RBM42: variants seen among roughly 807,000 people sequenced by gnomAD.
The protein encoded by RBM42 is RNA-binding protein 42.
RBM42 carries 21 observed loss-of-function variants against 41.4 expected under a neutral mutation model. The observed-to-expected ratio is 0.51, with a 90% CI of 0.36 to 0.73. The LOEUF is 0.73. RBM42 is among the 30% of genes least tolerant of loss of function. The pLI is 0.00. For missense variants in RBM42, 539 were observed against 680.4 expected (o/e 0.79, Z 2.31); for synonymous variants, 272 against 271.2 (o/e 1.00, Z -0.03).
chr19:35,629,778 C>A, intron 2 of RBM42, 105 bp downstream of exon 2: 1 of 1,215,728 alleles, frequency 8.2e-7, no homozygotes, highest in South Asian at 1.4e-5. Flanking sequence ...GACTAATTAG[C>A]ATGACAAATA....
In RBM42 at chr19:35,637,619, A is replaced by G; in HGVS notation, c.*65A>G. On this transcript the variant is annotated 3_prime_UTR_variant, in exon 10 of 10. Transcript: ENST00000262633. This position sits in a 1 kb window ranked among gnomAD's most constrained non-coding sequence, Gnocchi z 7.0. ...TGGCTCCTCCCTCAGTTCTCTTTGG[A>G]AAACCCCCAGCTGTCCACCCATCCC... The G allele has an allele frequency of 7.8e-7, 1 of 1,289,272 alleles. No homozygotes were observed. Among genetic ancestry groups the G allele is most frequent in the Non-Finnish European group, 1.1e-6 (1 of 907,930 alleles). 79.9% of individuals were successfully genotyped at this position (1,289,272 alleles called of 1,614,324 possible).
In RBM42 at chr19:35,637,340, C is replaced by T; in HGVS notation, c.1318C>T (p.Arg440Cys). ...KDPSDYVRAM[R>C]EMNGKYVGSR... ...CCCCAGCGACTACGTGCGCGCCATG[C>T]GTGAGATGAATGGTGGGTGCGGCCT... Residue 440 changes from arginine (R) to cysteine (C), a missense_variant, in exon 9 of 10, where the codon CGT (arginine) becomes TGT (cysteine). Around this residue, in one of 2 missense-constraint regions of RBM42, gnomAD observed 110 missense variants for 191.5 expected, o/e 0.57. Coordinates refer to ENST00000262633, the MANE Select transcript of RBM42 (RefSeq NM_024321.5). The surrounding 1 kb of genome is among the most constrained non-coding windows in gnomAD (Gnocchi z 7.0). The T allele has an allele frequency of 6.2e-7, 1 of 1,614,212 alleles. No homozygotes were observed. Among genetic ancestry groups the T allele is most frequent in the East Asian group, 2.2e-5 (1 of 44,874 alleles).
In RBM42 at chr19:35,633,195, A is replaced by G. The variant is rs775120262; in HGVS notation, c.627A>G (p.Pro209=). ...GPPGPPMMLP[P]MARAPGPPLG... is the part of the protein sequence containing the mutation. ...CTGGACCACCCATGATGCTGCCACC[A>G]ATGGCTCGGGCTCCAGGGCCCCCGC... is the stretch of plus-strand genomic sequence containing the variant. Residue 209 remains proline, a synonymous_variant, in exon 6 of 10, where the codon CCA becomes CCG. Coordinates refer to ENST00000262633, the MANE Select transcript of RBM42 (RefSeq NM_024321.5). The G allele has an allele frequency of 2.5e-6, 4 of 1,612,192 alleles. No homozygotes were observed. The highest frequency in any genetic ancestry group is 1.7e-5 in the Admixed American group (1 of 59,834).
Position 35,634,371 on chromosome 19 carries a change from C to CAGGTAAGCTGCTGA in RBM42, c.1135+1_1135+14dup. The CAGGTAAGCTGCTGA allele has an allele frequency of 3.1e-6, 5 of 1,611,276 alleles. No homozygotes were observed. Among genetic ancestry groups the CAGGTAAGCTGCTGA allele is most frequent in the Non-Finnish European group, 4.2e-6 (5 of 1,177,718 alleles). ...GACCCCAGCCTGCTGGAGTGGGATGCAGGTAAGCTGCTGAAGCTCGAGGTC... is the reference window on the plus strand; with the variant it reads ...GACCCCAGCCTGCTGGAGTGGGATGCAGGTAAGCTGCTGAAGGTAAGCTGCTGAAGCTCGAGGTC... On this transcript the variant is annotated frameshift_variant and splice_region_variant, in exon 8 of 10. Transcript: ENST00000262633. LOFTEE classifies it high-confidence loss of function.
At chr19:35,632,912 C>T (rs1422814944) in intron 4 of RBM42, 24 bp from the exon 5 acceptor site, 7 of 1,107,598 alleles carry the variant, frequency 6.3e-6, no homozygotes, top group Non-Finnish European at 9.7e-6. Flanking sequence ...CCATGACACA[C>T]ACCCCCATCT....
At position 35,633,944 on chromosome 19, in the gene RBM42, T is replaced by G; in HGVS notation, c.942T>G (p.Ile314Met). 6.4e-7 allele frequency: 1 copy of G among 1,573,530 alleles called. No individual in the cohort carries two copies. Among genetic ancestry groups the G allele is most frequent in the Non-Finnish European group, 8.6e-7 (1 of 1,165,368 alleles). Reference sequence around the variant, plus strand: ...GCGGCCTCCTGCCCCCGCTGCGCATTCCTGAACTCCTGTCCCTGCGTCCTC... The same window carrying G: ...GCGGCCTCCTGCCCCCGCTGCGCATGCCTGAACTCCTGTCCCTGCGTCCTC... ...VVRGLLPPLR[I>M]PELLSLRPRP... Residue 314 changes from isoleucine (I) to methionine (M), a missense_variant, in exon 7 of 10, where the codon ATT becomes ATG. Transcript: ENST00000262633.
intron 4 of RBM42, chr19:35,631,909 T>C (rs779521692): frequency 1.1e-4 from 18 of 158,616 alleles, no homozygotes; most frequent in South Asian, 5.2e-4. Context: ...AGTGCTTTTG[T>C]TAAGGTCCCT....
At chr19:35,629,412 GC>G in intron 1 of RBM42, 107 bp from the exon 2 acceptor site, 2 of 1,539,734 alleles carry the variant, frequency 1.3e-6, no homozygotes, top group Non-Finnish European at 1.8e-6. Context: ...GATTGTGGGG[GC>G]GGGGATAGGG....
At chr19:35,630,938 A>G (rs1252900778) in intron 2 of RBM42, among the ~76,000 whole-genome samples, 1 of 152,196 alleles carries the variant, frequency 6.6e-6, no homozygotes, top group Non-Finnish European at 1.5e-5. Context: ...AAGATGAAAT[A>G]AGGTGGTGAG....
At position 35,637,210 on chromosome 19, in the gene RBM42, C is replaced by A. The variant is rs1967512695; in HGVS notation, c.1188C>A (p.Ile396=). ...TGGGCAATGAGGTGAACGATGACATCTTGGCACGCGCCTTCAGCCGCTTCC... is the reference window on the plus strand; with the variant it reads ...TGGGCAATGAGGTGAACGATGACATATTGGCACGCGCCTTCAGCCGCTTCC... ...GDLGNEVNDD[I]LARAFSRFPS... is the part of the protein sequence containing the mutation. Residue 396 remains isoleucine (I), a synonymous_variant, in exon 9 of 10, where the codon ATC becomes ATA. Transcript: ENST00000262633. This position sits in a 1 kb window ranked among gnomAD's most constrained non-coding sequence, Gnocchi z 7.0. The A allele has an allele frequency of 1.2e-6, 2 of 1,614,196 alleles. No individual in the cohort carries two copies. Among genetic ancestry groups the A allele is most frequent in the East Asian group, 4.5e-5 (2 of 44,872 alleles).
rs777219387 is a variant in RBM42, at chr19:35,633,822, C to T, written c.820C>T (p.Pro274Ser). Residue 274 changes from proline (P) to serine (S), a missense_variant, in exon 7 of 10, where the codon CCA (proline) becomes TCA (serine). Transcript: ENST00000262633. ...TGTGGCCGTGGGGGCAGGAGGTGCC[C>T]CAGCTGGCCCTGCAGTCATTGGGCC... ...AAVAVGAGGA[P>S]AGPAVIGPSL... The T allele has an allele frequency of 5.3e-6, 8 of 1,519,056 alleles. No individual in the cohort carries two copies. Among genetic ancestry groups the T allele is most frequent in the Non-Finnish European group, 7.0e-6 (8 of 1,140,886 alleles). 94.1% of individuals were successfully genotyped at this position (1,519,056 alleles called of 1,614,324 possible).
At chr19:35,630,585 G>T (rs1293542003) in intron 2 of RBM42, among the ~76,000 whole-genome samples, 1 of 152,160 alleles carries the variant, frequency 6.6e-6, no homozygotes, top group Non-Finnish European at 1.5e-5. Context: ...GGCCAACATG[G>T]TGCAACCCCG....
intron 6 of RBM42, 27 bp from the exon 7 acceptor site, chr19:35,633,660 C>T: frequency 7.1e-7 from 1 of 1,407,902 alleles, no homozygotes; most frequent in Non-Finnish European, 9.2e-7. Context: ...TGAGCCGGCC[C>T]CCCTCATGCT....
Position 35,637,291 on chromosome 19 carries a change from C to A in RBM42, c.1269C>A (p.Gly423=), listed in dbSNP as rs1967514366. The A allele has an allele frequency of 6.2e-7, 1 of 1,614,148 alleles. No individual in the cohort carries two copies. The highest frequency in any genetic ancestry group is 1.7e-5 in the Admixed American group (1 of 60,008). Reference sequence around the variant, plus strand: ...ACAAGCGCACAGGCAAGACCAAGGGCTACGGCTTCGTCAGCTTCAAGGACC... The same window carrying A: ...ACAAGCGCACAGGCAAGACCAAGGGATACGGCTTCGTCAGCTTCAAGGACC... ...IRDKRTGKTK[G]YGFVSFKDPS... Residue 423 remains glycine, a synonymous_variant, in exon 9 of 10, where the codon GGC becomes GGA. Transcript: ENST00000262633. This position sits in a 1 kb window ranked among gnomAD's most constrained non-coding sequence, Gnocchi z 7.0.
rs780571945 is a variant in RBM42 at position 35,631,220 on chromosome 19, C to G, written c.363C>G (p.Gly121=). 6.2e-7 allele frequency: 1 copy of G among 1,614,006 alleles called. No individual in the cohort carries two copies. The highest frequency in any genetic ancestry group is 1.7e-5 in the Admixed American group (1 of 59,996). Residue 121 remains glycine, a synonymous_variant, in exon 3 of 10, where the codon GGC becomes GGG. Transcript: ENST00000262633. ...PPMVGGPPFV[G]PVGFGPGDRS... The stretch of plus-strand genomic sequence containing the variant: ...TGGTGGGTGGCCCTCCTTTTGTAGG[C>G]CCTGGTAAGTAAAGAGTAGCAAGGT...
intron 8 of RBM42, among the ~76,000 whole-genome samples, chr19:35,634,627 C>CT (rs568186594): frequency 5.3e-4 from 77 of 145,246 alleles, no homozygotes; most frequent in Middle Eastern, 7.0e-3. Context: ...AGAGAGCATT[C>CT]TTTTTTTTTC....
At chr19:35,633,038 C>T (rs756412574) in intron 5 of RBM42, 37 bp downstream of exon 5, 6 of 1,596,064 alleles carry the variant, frequency 3.8e-6, no homozygotes, top group South Asian at 1.1e-5. Context: ...CCACATAACT[C>T]CCCCCAGGCC....
At chr19:35,631,695 T>G in intron 4 of RBM42, 1 of 479,468 alleles carries the variant, frequency 2.1e-6, no homozygotes, top group Non-Finnish European at 3.7e-6. Context: ...TATCATCTTT[T>G]GCATCCTCTA....
chr19:35,633,094 G>A lies in RBM42; in HGVS notation c.526G>A (p.Ala176Thr). The A allele has an allele frequency of 6.2e-7, 1 of 1,613,026 alleles. No individual in the cohort carries two copies. Residue 176 changes from alanine (A) to threonine (T), a missense_variant, in exon 6 of 10, where the codon GCA (alanine) becomes ACA (threonine). Ala to Thr is a moderately conservative substitution (Grantham distance 58). Coordinates refer to ENST00000262633, the MANE Select transcript of RBM42 (RefSeq NM_024321.5). ...LQRADSALSS[A>T]AAGPRPMALR... ...CCTGACAGATTCCGCTCTCTCCTCT[G>A]CAGCAGCCGGCCCCCGCCCTATGGC...
Sources: gnomAD v4.1 joint callset for allele counts (sites outside exome capture counted in the v4.1 genomes callset) on GRCh38, gnomAD v4.1.1 for gene constraint, gnomAD v4.1.1 regional missense constraint, Gnocchi (gnomAD v3.1) non-coding constraint, MANE v1.5 for transcripts, NCBI Gene and HGNC (gene_info 2026-07-23, HGNC 2026-07-21) for gene names.